WDR7: variants seen among roughly 807,000 people sequenced by gnomAD.
WDR7 encodes the protein WD repeat-containing protein 7.
WDR7 carries 46 observed loss-of-function variants against 169.4 expected under a neutral mutation model. That is an observed-to-expected ratio of 0.27 (90% CI 0.21 to 0.35). The LOEUF (loss-of-function observed/expected upper bound fraction) is 0.35, where lower values mean the gene tolerates loss of function less well. WDR7 is among the 10% of genes least tolerant of loss of function. The pLI is 1.00. For synonymous variants in WDR7, 612 were observed against 666.8 expected (o/e 0.92, Z 1.27); for missense variants, 1,534 against 1,859.3 (o/e 0.83, Z 3.22).
chr18:56,939,137 GAGAA>G (rs2145700124), intron 24 of WDR7, among the ~76,000 whole-genome samples, 170 bp from the exon 25 acceptor site: 1 of 152,164 alleles, frequency 6.6e-6, no homozygotes, highest in Admixed American at 6.5e-5. Flanking sequence ...TCACAGATAA[GAGAA>G]AGGATAGACT....
intron 14 of WDR7, among the ~76,000 whole-genome samples, chr18:56,746,701 T>C (rs12970114): frequency 0.21 from 31,855 of 152,198 alleles, 3,456 homozygotes; most frequent in Non-Finnish European, 0.23. Flanking sequence ...CTAGTACTTA[T>C]TCTATTGTAC....
At chr18:57,011,398 A>G (rs1192818786) in intron 26 of WDR7, among the ~76,000 whole-genome samples, 1 of 152,252 alleles carries the variant, frequency 6.6e-6, no homozygotes, top group Non-Finnish European at 1.5e-5. Context: ...TACTTGAGGC[A>G]TTATATCTTA....
chr18:57,025,423 T>C (rs1433460696), intron 27 of WDR7, among the ~76,000 whole-genome samples: 2 of 152,186 alleles, frequency 1.3e-5, no homozygotes, highest in African/African-American at 4.8e-5. Flanking sequence ...CAATAAGGCA[T>C]TGATTTTTAT....
rs1396101785 is a variant in WDR7 at position 56,805,294 on chromosome 18, A to G, written c.3191-10737A>G. 7.2e-5 allele frequency among the ~76,000 whole-genome samples: 11 copies of G among 152,238 alleles called. No individual in the cohort carries two copies. The South Asian group carries it at 2.1e-3, about 29-fold the overall frequency. The stretch of plus-strand genomic sequence containing the variant: ...AATACTTCCTAACATGATGTAACTA[A>G]CATGATGTAACTATCCTGCATACAA... On this transcript the variant is annotated intron_variant, in intron 19 of 27. Coordinates refer to ENST00000254442, the MANE Select transcript of WDR7 (RefSeq NM_015285.3).
At chr18:56,813,350 T>C (rs2044908419) in intron 19 of WDR7, among the ~76,000 whole-genome samples, 2 of 152,138 alleles carry the variant, frequency 1.3e-5, no homozygotes, top group Admixed American at 6.6e-5. Context: ...GCCATATTCC[T>C]GATCATAGGG....
chr18:57,017,412 C>CTGTGTGTGTG (rs10571337), intron 26 of WDR7, among the ~76,000 whole-genome samples: 108 of 143,752 alleles, frequency 7.5e-4, no homozygotes, highest in African/African-American at 2.7e-3. Flanking sequence ...CAGCATCATG[C>CTGTGTGTGTG]TGTGTGTGTG....
chr18:56,708,298 T>A (rs180982332), intron 12 of WDR7, among the ~76,000 whole-genome samples: 1 of 152,204 alleles, frequency 6.6e-6, no homozygotes, highest in African/African-American at 2.4e-5. Context: ...CCTCCCAAAG[T>A]GCTGGGATTA....
Position 56,830,451 on chromosome 18 carries a change from C to T in WDR7, c.3304+14307C>T, listed in dbSNP as rs114445560. On this transcript the variant is annotated intron_variant, in intron 20 of 27. Coordinates refer to ENST00000254442, the MANE Select transcript of WDR7 (RefSeq NM_015285.3). ...TTCTCATGATGAATTTATCAATTGA[C>T]TTAGGAATTAGGGAAGAGGACTTCT... Among the ~76,000 whole-genome samples, 1,237 of 152,214 alleles carry T rather than the reference C, an allele frequency of 8.1e-3. 21 individuals are homozygous for T. Among genetic ancestry groups the T allele is most frequent in the African/African-American group, 0.026 (1,085 of 41,514 alleles).
In WDR7 at chr18:56,935,818, A is replaced by C; in HGVS notation, c.3744A>C (p.Ala1248=). 1.2e-6 allele frequency: 2 copies of C among 1,614,174 alleles called. No homozygotes were observed. Among genetic ancestry groups the C allele is most frequent in the African/African-American group, 1.3e-5 (1 of 75,052 alleles). ...CAATGGGGTTGCCTCTGAGCCCAGC[A>C]GCTGACTCGGCCCGCTCTGCGAGGC... ...NITMGLPLSP[A]ADSARSARHA... The change falls in exon 23 of 28, where the codon GCA becomes GCC. Residue 1248 remains alanine, a synonymous_variant. Transcript: ENST00000254442.
At chr18:56,860,655 C>A (rs1289806803) in intron 20 of WDR7, among the ~76,000 whole-genome samples, 1 of 152,074 alleles carries the variant, frequency 6.6e-6, no homozygotes, top group Non-Finnish European at 1.5e-5. Context: ...ATATAATAAT[C>A]CTTTTAATTT....
Position 56,935,775 on chromosome 18 carries a change from G to C in WDR7, c.3714-13G>C. The C allele has an allele frequency of 6.2e-7, 1 of 1,610,494 alleles. No homozygotes were observed. The highest frequency in any genetic ancestry group is 8.5e-7 in the Non-Finnish European group (1 of 1,177,814). ...TTCTTTTCTTTTTTTCCCTTTTTCT[G>C]ATCCCTGTTTAGCATCACAATGGGG... On this transcript the variant is annotated splice_polypyrimidine_tract_variant and intron_variant, in intron 22 of 27. Transcript: ENST00000254442.
chr18:56,939,342 G>T lies in WDR7; in HGVS notation c.4013G>T (p.Gly1338Val). 1 of 1,585,242 alleles carries T rather than the reference G, an allele frequency of 6.3e-7. No homozygotes were observed. Among genetic ancestry groups the T allele is most frequent in the Non-Finnish European group, 8.6e-7 (1 of 1,164,466 alleles). The change falls in exon 25 of 28, where the codon GGA (glycine) becomes GTA (valine). Residue 1338 changes from glycine to valine, a missense_variant. Coordinates refer to ENST00000254442, the MANE Select transcript of WDR7 (RefSeq NM_015285.3). The stretch of plus-strand genomic sequence containing the variant: ...GACATCATTATGTACTGCCTTGAAG[G>T]ATCTTTAGTTAAAAAGAAAGGTCTT... Reference protein sequence around the residue: ...VMDIIMYCLEGSLVKKKGLQE... With the variant: ...VMDIIMYCLEVSLVKKKGLQE...
chr18:56,776,502 T>C (rs548797882), intron 16 of WDR7, among the ~76,000 whole-genome samples: 46 of 152,252 alleles, frequency 3.0e-4, no homozygotes, highest in African/African-American at 9.1e-4. Context: ...GCTCTAGTTG[T>C]TTTAGAGCTA....
intron 1 of WDR7, among the ~76,000 whole-genome samples, chr18:56,672,039 G>T (rs1002699143): frequency 5.9e-5 from 9 of 152,262 alleles, no homozygotes; most frequent in Admixed American, 5.9e-4. Context: ...TGAGTTTTAT[G>T]ACTTGCTAGT....
intron 5 of WDR7, among the ~76,000 whole-genome samples, chr18:56,683,220 A>G (rs780406357): frequency 2.0e-5 from 3 of 152,170 alleles, no homozygotes; most frequent in Non-Finnish European, 4.4e-5. Context: ...CTTAAGAGGC[A>G]TAGGGAATGT....
At chr18:56,706,266 A>G (rs1043906753) in intron 12 of WDR7, among the ~76,000 whole-genome samples, 1 of 152,244 alleles carries the variant, frequency 6.6e-6, no homozygotes, top group Non-Finnish European at 1.5e-5. Flanking sequence ...CTTTTGTATG[A>G]TGATTCTCTT....
intron 21 of WDR7, among the ~76,000 whole-genome samples, chr18:56,901,979 G>A (rs1305985025): frequency 6.6e-6 from 1 of 152,140 alleles, no homozygotes; most frequent in African/African-American, 2.4e-5. Context: ...GGCAAGTGGA[G>A]AATTCTTCAG....
At position 56,978,988 on chromosome 18, in the gene WDR7, C is replaced by T. The variant is rs75171424; in HGVS notation, c.4164+16459C>T. ...TTTAAAAATAAGGAAAAATCATTTG[C>T]TTGAGATCTAGAATCACATAGGCTG... On this transcript the variant is annotated intron_variant, in intron 26 of 27. Coordinates refer to ENST00000254442, the MANE Select transcript of WDR7 (RefSeq NM_015285.3). 3.3e-3 allele frequency among the ~76,000 whole-genome samples: 499 copies of T among 152,148 alleles called. 4 individuals are homozygous for T. Among genetic ancestry groups the T allele is most frequent in the African/African-American group, 0.011 (476 of 41,520 alleles).
At chr18:56,844,949 T>C (rs1445230151) in intron 20 of WDR7, among the ~76,000 whole-genome samples, 3 of 152,188 alleles carry the variant, frequency 2.0e-5, no homozygotes, top group Non-Finnish European at 4.4e-5. Flanking sequence ...TATTTTATCA[T>C]TAGTTATTGT....
Sources: gnomAD v4.1 joint callset for allele counts (sites outside exome capture counted in the v4.1 genomes callset) on GRCh38, gnomAD v4.1.1 for gene constraint, MANE v1.5 for transcripts, NCBI Gene and HGNC (gene_info 2026-07-23, HGNC 2026-07-21) for gene names.